The following WWOX variants were observed in gnomAD, a reference collection of about 807,000 sequenced individuals.
WWOX encodes WW domain-containing oxidoreductase.
In WWOX, 69 loss-of-function variants were observed where a neutral mutation model predicts 46.2. The observed-to-expected ratio is 1.49, with a 90% CI of 1.23 to 1.82. The LOEUF (loss-of-function observed/expected upper bound fraction) is 1.82. Among genes scored for constraint, WWOX ranks in the 40% most tolerant of loss-of-function variants. The pLI is 0.00. For synonymous variants in WWOX, 359 were observed against 202.6 expected (o/e 1.77, Z -6.56); for missense variants, 919 against 542.6 (o/e 1.69, Z -6.89).
At chr16:78,916,074 A>G (rs886080800) in intron 8 of WWOX, among the ~76,000 whole-genome samples, 6 of 152,160 alleles carry the variant, frequency 3.9e-5, no homozygotes, top group African/African-American at 9.7e-5. Flanking sequence ...CGATGCTATC[A>G]TTGTGTTTAC....
intron 8 of WWOX, among the ~76,000 whole-genome samples, chr16:78,550,408 G>T (rs1377837759): frequency 6.6e-6 from 1 of 152,214 alleles, no homozygotes; most frequent in Non-Finnish European, 1.5e-5. Flanking sequence ...AATGGGCATG[G>T]TTGTGTGACA....
intron 8 of WWOX, among the ~76,000 whole-genome samples, chr16:78,614,997 A>G (rs1158306300): frequency 6.6e-6 from 1 of 152,148 alleles, no homozygotes; most frequent in Non-Finnish European, 1.5e-5. Context: ...GCTGTGTTAT[A>G]TACAGCTCCC....
intron 8 of WWOX, among the ~76,000 whole-genome samples, chr16:79,113,767 G>A (rs2049460070): frequency 6.6e-6 from 1 of 152,250 alleles, no homozygotes; most frequent in African/African-American, 2.4e-5. Flanking sequence ...GGGGAAGAGG[G>A]AGGGTTAAGG....
intron 8 of WWOX, among the ~76,000 whole-genome samples, chr16:78,531,348 G>A (rs900150362): frequency 1.3e-5 from 2 of 152,128 alleles, no homozygotes; most frequent in African/African-American, 4.8e-5. Context: ...GAAGGCAGTG[G>A]AGCCCTTTTC....
Position 79,212,386 on chromosome 16 carries a change from G to A in WWOX, c.*590G>A, listed in dbSNP as rs1597489843. 1 of 479,422 alleles carries A rather than the reference G, an allele frequency of 2.1e-6. No individual in the cohort carries two copies. The highest frequency in any genetic ancestry group is 3.6e-6 in the Non-Finnish European group (1 of 274,764). The allele number at this position is 479,422 out of a possible 1,614,324, so 29.7% of individuals were successfully genotyped here. On this transcript the variant is annotated 3_prime_UTR_variant, in exon 9 of 9. Transcript: ENST00000566780. ...GGAGTAGAATACGCAGAACTACCAGGTGGCAAAGTACTTGTCATAGACTCC... is the reference window on the plus strand; with the variant it reads ...GGAGTAGAATACGCAGAACTACCAGATGGCAAAGTACTTGTCATAGACTCC...
chr16:78,937,447 A>ATTTT (rs1567661804), intron 8 of WWOX, among the ~76,000 whole-genome samples: 1 of 72,876 alleles, frequency 1.4e-5, no homozygotes, highest in African/African-American at 6.7e-5. Context: ...ATTTGTATTA[A>ATTTT]CTTTTTTTTT....
intron 8 of WWOX, among the ~76,000 whole-genome samples, chr16:78,824,988 G>C (rs529375813): frequency 6.6e-6 from 1 of 152,072 alleles, no homozygotes; most frequent in African/African-American, 2.4e-5. Flanking sequence ...AAATGGCAGC[G>C]TTATAGCCAT....
intron 8 of WWOX, among the ~76,000 whole-genome samples, chr16:78,736,534 C>A (rs1036202959): frequency 6.6e-6 from 1 of 152,112 alleles, no homozygotes; most frequent in Non-Finnish European, 1.5e-5. Flanking sequence ...TCATGAGTAT[C>A]CATGGCACAC....
At chr16:78,822,579 T>C (rs2051532151) in intron 8 of WWOX, among the ~76,000 whole-genome samples, 1 of 152,200 alleles carries the variant, frequency 6.6e-6, no homozygotes, top group Admixed American at 6.5e-5. Context: ...AAATATTTTA[T>C]AAATAAAGTC....
chr16:78,204,877 A>G (rs2036343789), intron 5 of WWOX, among the ~76,000 whole-genome samples: 2 of 152,234 alleles, frequency 1.3e-5, no homozygotes, highest in South Asian at 4.1e-4. Context: ...TTAGTTAGGT[A>G]AATTTAGACC....
chr16:78,850,395 T>C (rs758912643), intron 8 of WWOX, among the ~76,000 whole-genome samples: 5 of 152,200 alleles, frequency 3.3e-5, no homozygotes, highest in African/African-American at 4.8e-5. Context: ...TCCCCTGTTG[T>C]AACATAGTGA....
intron 8 of WWOX, among the ~76,000 whole-genome samples, chr16:78,971,980 G>T (rs1413336369): frequency 6.6e-6 from 1 of 152,136 alleles, no homozygotes; most frequent in East Asian, 1.9e-4. Flanking sequence ...CTCTTCCCAG[G>T]CCGAGGTAGG....
At chr16:78,478,193 T>A (rs773384699) in intron 8 of WWOX, among the ~76,000 whole-genome samples, 15 of 152,324 alleles carry the variant, frequency 9.8e-5, no homozygotes, top group Middle Eastern at 6.8e-3. Context: ...AGGATATAAA[T>A]GATAAATACA....
At chr16:78,471,582 A>G (rs2084222247) in intron 8 of WWOX, among the ~76,000 whole-genome samples, 1 of 152,158 alleles carries the variant, frequency 6.6e-6, no homozygotes, top group African/African-American at 2.4e-5. Context: ...CGATAGTTGA[A>G]TGTCTTGCCT....
At chr16:78,275,898 C>T (rs568186001) in intron 5 of WWOX, among the ~76,000 whole-genome samples, 2 of 151,954 alleles carry the variant, frequency 1.3e-5, no homozygotes, top group East Asian at 1.9e-4. Flanking sequence ...AGCCTCTTGT[C>T]GAGGAGTGCA....
chr16:78,238,124 C>T (rs2037503573), intron 5 of WWOX: 1 of 152,202 alleles, frequency 6.6e-6, no homozygotes, highest in South Asian at 2.1e-4. Context: ...TAGAAAGTGC[C>T]TCGGTTCCAG....
intron 8 of WWOX, among the ~76,000 whole-genome samples, chr16:78,538,969 C>A (rs983610278): frequency 6.6e-6 from 1 of 152,196 alleles, no homozygotes; most frequent in Non-Finnish European, 1.5e-5. Context: ...GCAAACCAAG[C>A]AATGCCCTTT....
At chr16:78,765,458 C>G (rs527789415) in intron 8 of WWOX, among the ~76,000 whole-genome samples, 9 of 152,080 alleles carry the variant, frequency 5.9e-5, no homozygotes, top group Non-Finnish European at 1.3e-4. Context: ...GCGGGTGGAC[C>G]ACCTGAGGTC....
chr16:78,405,008 G>C (rs2082494258), intron 6 of WWOX, among the ~76,000 whole-genome samples: 1 of 152,194 alleles, frequency 6.6e-6, no homozygotes, highest in Non-Finnish European at 1.5e-5. Context: ...AGAGCATGTG[G>C]ATGTACTTCT....
Sources: gnomAD v4.1 joint callset for allele counts (sites outside exome capture counted in the v4.1 genomes callset) on GRCh38, gnomAD v4.1.1 for gene constraint, MANE v1.5 for transcripts, NCBI Gene and HGNC (gene_info 2026-07-23, HGNC 2026-07-21) for gene names.